CNIH3: variants seen among roughly 807,000 people sequenced by gnomAD.
CNIH3 encodes cornichon family AMPA receptor auxiliary protein 3.
A neutral mutation model predicts 24.1 loss-of-function variants in CNIH3; 14 were observed. The ratio of observed to expected loss-of-function variants is 0.58; its 90% CI spans 0.38 to 0.91. The LOEUF is 0.91. Among genes scored for constraint, CNIH3 ranks in the 40% least tolerant of loss-of-function variants. The probability of loss-of-function intolerance (pLI) is 0.00; values close to 1 mark genes in which losing one functional copy is unlikely to be tolerated. For missense variants in CNIH3, 178 were observed against 196.8 expected (o/e 0.90, Z 0.57); for synonymous variants, 68 against 73.8 (o/e 0.92, Z 0.40).
intron 1 of CNIH3, among the ~76,000 whole-genome samples, chr1:224,668,726 T>C (rs1196984940): frequency 6.6e-6 from 1 of 152,048 alleles, no homozygotes; most frequent in Non-Finnish European, 1.5e-5. Flanking sequence ...TCACCAAACA[T>C]TTGAGCCAGA....
chr1:224,476,389 A>G (rs974073935), intron 1 of CNIH3, among the ~76,000 whole-genome samples: 2 of 152,262 alleles, frequency 1.3e-5, no homozygotes, highest in African/African-American at 4.8e-5. Flanking sequence ...AAGTTTCAGG[A>G]TACAAAATCA....
chr1:224,538,292 A>C (rs1305842650), downstream of CNIH3, among the ~76,000 whole-genome samples: 5 of 152,124 alleles, frequency 3.3e-5, no homozygotes, highest in African/African-American at 7.2e-5. Flanking sequence ...CTTCAGCTTT[A>C]CCAAGTTCTA....
At chr1:224,502,476 A>G (rs1277130419) in intron 1 of CNIH3, among the ~76,000 whole-genome samples, 1 of 152,170 alleles carries the variant, frequency 6.6e-6, no homozygotes, top group Non-Finnish European at 1.5e-5. Flanking sequence ...TTATCGCTAA[A>G]CCCACTTTGC....
intron 1 of CNIH3, among the ~76,000 whole-genome samples, chr1:224,621,430 A>G (rs529432006): frequency 1.3e-5 from 2 of 152,294 alleles, no homozygotes; most frequent in African/African-American, 4.8e-5. Context: ...GACAATAAAT[A>G]GCCTGTTTTT....
Position 224,684,872 on chromosome 1 carries a change from G to A in CNIH3, c.198+29G>A. The A allele has an allele frequency of 6.2e-7, 1 of 1,608,436 alleles. No individual in the cohort carries two copies. The highest frequency in any genetic ancestry group is 8.5e-7 in the Non-Finnish European group (1 of 1,174,764). On this transcript the variant is annotated intron_variant, in intron 3 of 5. Coordinates refer to ENST00000272133, the MANE Select transcript of CNIH3 (RefSeq NM_152495.2). This position sits in a 1 kb window ranked among gnomAD's most constrained non-coding sequence, Gnocchi z 4.2. The stretch of plus-strand genomic sequence containing the variant: ...AGTGTGGCAGCTTCATGCCGAGGAT[G>A]GAGGATCGCATGGTGGTGGGTGGGC...
At chr1:224,662,470 T>C (rs2125119071) in intron 1 of CNIH3, among the ~76,000 whole-genome samples, 1 of 152,330 alleles carries the variant, frequency 6.6e-6, no homozygotes, top group African/African-American at 2.4e-5. Context: ...CATTTTGTTT[T>C]GGCTGGGTTT....
chr1:224,450,907 A>G (rs898670421), intron 1 of CNIH3, among the ~76,000 whole-genome samples: 1 of 152,260 alleles, frequency 6.6e-6, no homozygotes, highest in Non-Finnish European at 1.5e-5. Flanking sequence ...CACAGTTAAT[A>G]TAACCACAAG....
upstream of CNIH3, among the ~76,000 whole-genome samples, chr1:224,514,926 C>T (rs1558122328): frequency 6.6e-6 from 1 of 152,172 alleles, no homozygotes; most frequent in Admixed American, 6.5e-5. Flanking sequence ...CTGTGTGGAG[C>T]CTAGGCCAGA....
intron 5 of CNIH3, among the ~76,000 whole-genome samples, chr1:224,584,596 G>C (rs1043185409): frequency 6.6e-6 from 1 of 152,186 alleles, no homozygotes; most frequent in Non-Finnish European, 1.5e-5. Context: ...CACATTTGCA[G>C]TCATCAGGAT....
chr1:224,683,976 A>G (rs578168422), intron 2 of CNIH3, among the ~76,000 whole-genome samples: 1 of 152,324 alleles, frequency 6.6e-6, no homozygotes, highest in African/African-American at 2.4e-5. Flanking sequence ...TTAATTAGGC[A>G]AATGAAGTGT....
chr1:224,438,797 T>C (rs2102941142), intron 1 of CNIH3, among the ~76,000 whole-genome samples: 1 of 152,306 alleles, frequency 6.6e-6, no homozygotes, highest in Non-Finnish European at 1.5e-5. Context: ...AGGCATGTCA[T>C]GTTTAAGTGG....
intron 1 of CNIH3, among the ~76,000 whole-genome samples, chr1:224,518,514 T>C (rs1263750298): frequency 6.6e-6 from 1 of 151,776 alleles, no homozygotes; most frequent in Non-Finnish European, 1.5e-5. Flanking sequence ...TTTTTTTTTT[T>C]AGAGACAGGG....
chr1:224,474,003 T>C (rs903361503), intron 1 of CNIH3, among the ~76,000 whole-genome samples: 1 of 152,126 alleles, frequency 6.6e-6, no homozygotes. Context: ...ATTCTGGAAA[T>C]TATACAAACA....
intron 2 of CNIH3, among the ~76,000 whole-genome samples, chr1:224,528,544 A>T (rs1157304973): frequency 6.6e-6 from 1 of 152,060 alleles, no homozygotes; most frequent in Non-Finnish European, 1.5e-5. Flanking sequence ...GCTGGTCTTG[A>T]ACTCCTGGCT....
At chr1:224,718,659 A>G (rs577065935) in intron 3 of CNIH3, among the ~76,000 whole-genome samples, 1 of 152,188 alleles carries the variant, frequency 6.6e-6, no homozygotes, top group South Asian at 2.1e-4. Context: ...GGGAGGAGGC[A>G]GGGACGGGGG....
intron 1 of CNIH3, among the ~76,000 whole-genome samples, chr1:224,506,066 G>C (rs1365908780): frequency 6.6e-6 from 1 of 152,128 alleles, no homozygotes; most frequent in Non-Finnish European, 1.5e-5. Flanking sequence ...TTTATTTTAA[G>C]GAATCTTGGT....
At chr1:224,538,616 T>C (rs1227468853), downstream of CNIH3, among the ~76,000 whole-genome samples, 4 of 151,704 alleles carry the variant, frequency 2.6e-5, no homozygotes, top group Non-Finnish European at 5.9e-5. Context: ...GACAATGCCT[T>C]CTCTATGATT....
chr1:224,595,299 G>GCCT (rs1247052072), intron 3 of CNIH3, among the ~76,000 whole-genome samples: 1 of 152,186 alleles, frequency 6.6e-6, no homozygotes, highest in Non-Finnish European at 1.5e-5. Flanking sequence ...TCCCACCTCA[G>GCCT]CCTCCCAGGG....
intron 3 of CNIH3, among the ~76,000 whole-genome samples, chr1:224,557,128 A>G (rs1455661548): frequency 6.6e-6 from 1 of 152,086 alleles, no homozygotes; most frequent in Non-Finnish European, 1.5e-5. Flanking sequence ...TGCAGCCTCC[A>G]ACTCTCAGGC....
Sources: allele counts gnomAD v4.1 joint callset (sites outside exome capture counted in the v4.1 genomes callset), GRCh38; gene constraint gnomAD v4.1.1; non-coding constraint Gnocchi (gnomAD v3.1); transcripts MANE v1.5; gene names NCBI Gene and HGNC (gene_info 2026-07-23, HGNC 2026-07-21).